The following TSPAN9 variants were observed in gnomAD, a reference collection of about 807,000 sequenced individuals.
TSPAN9 encodes the protein tetraspanin 9.
Under a neutral mutation model 31.0 loss-of-function variants are expected in TSPAN9, and 16 were observed. The observed-to-expected ratio is 0.52, with a 90% confidence interval of 0.35 to 0.78. The LOEUF (loss-of-function observed/expected upper bound fraction) is 0.78. TSPAN9 is among the 30% of genes least tolerant of loss of function. TSPAN9 has a pLI of 0.01. For missense variants in TSPAN9, 272 were observed against 312.5 expected (o/e 0.87, Z 0.98); for synonymous variants, 145 against 121.6 (o/e 1.19, Z -1.27).
chr12:3,247,423 T>A (rs1453321342), intron 3 of TSPAN9, among the ~76,000 whole-genome samples: 2 of 151,864 alleles, frequency 1.3e-5, no homozygotes, highest in Non-Finnish European at 2.9e-5. Flanking sequence ...TTTCTGCCTT[T>A]GACTCTAAGT....
chr12:3,123,266 G>A (rs774821243), intron 2 of TSPAN9, among the ~76,000 whole-genome samples: 1 of 152,184 alleles, frequency 6.6e-6, no homozygotes, highest in Non-Finnish European at 1.5e-5. Flanking sequence ...TCCTTGAACC[G>A]CTTCCCTGCT....
rs1445011651 is a variant in TSPAN9, at chr12:3,168,049, C to T, written c.-17-33128C>T. 6.6e-6 allele frequency among the ~76,000 whole-genome samples: 1 copy of T among 152,072 alleles called. No homozygotes were observed. The highest frequency in any genetic ancestry group is 1.9e-4 in the East Asian group (1 of 5,162). ...GTGGATAAAAGCATGTCCTGGGGTC[C>T]AGCGGACAAGCAGCAGCAGGAGATA... On this transcript the variant is annotated intron_variant, in intron 2 of 8. Coordinates refer to ENST00000011898, the MANE Select transcript of TSPAN9 (RefSeq NM_006675.5). The surrounding 1 kb of genome is among the most constrained non-coding windows in gnomAD (Gnocchi z 4.0).
intron 2 of TSPAN9, among the ~76,000 whole-genome samples, chr12:3,144,665 G>C (rs1012599400): frequency 6.6e-6 from 1 of 152,206 alleles, no homozygotes; most frequent in Non-Finnish European, 1.5e-5. Flanking sequence ...AGTGGCTCCG[G>C]GAATCACATG....
chr12:3,124,626 T>C (rs2098326521), intron 2 of TSPAN9, among the ~76,000 whole-genome samples: 1 of 152,024 alleles, frequency 6.6e-6, no homozygotes, highest in African/African-American at 2.4e-5. Context: ...ATCAGGCTTA[T>C]CTTGAACTCC....
chr12:3,150,002 A>G (rs562200277), intron 2 of TSPAN9: 1 of 152,418 alleles, frequency 6.6e-6, no homozygotes, highest in East Asian at 1.9e-4. Flanking sequence ...GTGAACGCCC[A>G]TGGCGTGCCA....
rs1862881190 is a variant in TSPAN9 at position 3,280,963 on chromosome 12, G to A, written c.433-235G>A. ...TGAGCCAAGGGGCCCAGCCCGAGGG[G>A]TGGGCTGCATTGCCCTCTCCCGCTC... On this transcript the variant is annotated intron_variant, in intron 6 of 8. Coordinates refer to ENST00000011898, the MANE Select transcript of TSPAN9 (RefSeq NM_006675.5). This position sits in a 1 kb window ranked among gnomAD's most constrained non-coding sequence, Gnocchi z 4.5. Among the ~76,000 whole-genome samples the A allele has an allele frequency of 1.3e-5, 2 of 152,188 alleles. No homozygotes were observed. Among genetic ancestry groups the A allele is most frequent in the Admixed American group, 6.5e-5 (1 of 15,282 alleles).
chr12:3,236,262 C>T (rs1162557668), intron 3 of TSPAN9, among the ~76,000 whole-genome samples: 4 of 152,236 alleles, frequency 2.6e-5, no homozygotes, highest in African/African-American at 9.6e-5. Flanking sequence ...ACAATAATCT[C>T]TACCTTGAGG....
At chr12:3,196,470 A>G (rs2098367138) in intron 2 of TSPAN9, among the ~76,000 whole-genome samples, 2 of 152,210 alleles carry the variant, frequency 1.3e-5, no homozygotes, top group Non-Finnish European at 2.9e-5. Context: ...AGTGTGGTGC[A>G]TGGGCTGTGA....
At chr12:3,186,265 CTG>C (rs1161649397) in intron 2 of TSPAN9, among the ~76,000 whole-genome samples, 1 of 152,192 alleles carries the variant, frequency 6.6e-6, no homozygotes, top group East Asian at 1.9e-4. Context: ...TTGTGTGAAA[CTG>C]TTCGTAGCTT....
chr12:3,145,149 C>T (rs2098336571), intron 2 of TSPAN9, among the ~76,000 whole-genome samples: 1 of 152,172 alleles, frequency 6.6e-6, no homozygotes, highest in Non-Finnish European at 1.5e-5. Context: ...CCTCGGCGTC[C>T]TCTGGTGGAT....
intron 2 of TSPAN9, among the ~76,000 whole-genome samples, chr12:3,092,739 G>A (rs763122593): frequency 1.1e-4 from 17 of 152,230 alleles, no homozygotes; most frequent in Admixed American, 5.9e-4. Context: ...CACATTGGAT[G>A]TCCCCGTAAG....
chr12:3,269,734 G>A (rs1862636066), intron 3 of TSPAN9, among the ~76,000 whole-genome samples: 3 of 152,250 alleles, frequency 2.0e-5, no homozygotes, highest in Admixed American at 6.5e-5. Context: ...GCACGGGCTG[G>A]TAGGAGCTTG....
intron 3 of TSPAN9, among the ~76,000 whole-genome samples, chr12:3,276,558 CCT>C (rs1862792777): frequency 1.3e-5 from 2 of 152,198 alleles, no homozygotes; most frequent in Admixed American, 1.3e-4. Flanking sequence ...GCTCCCTCCC[CCT>C]GTTTATTTGG....
intron 2 of TSPAN9, among the ~76,000 whole-genome samples, chr12:3,092,951 G>A (rs757592682): frequency 3.3e-5 from 5 of 152,236 alleles, no homozygotes; most frequent in Non-Finnish European, 5.9e-5. Flanking sequence ...GCTGGCGAGT[G>A]CTTCCAGCCT....
At position 3,180,695 on chromosome 12, in the gene TSPAN9, G is replaced by A. The variant is rs142827473; in HGVS notation, c.-17-20482G>A. 2.5e-3 allele frequency among the ~76,000 whole-genome samples: 379 copies of A among 152,078 alleles called. 2 individuals are homozygous for A. Among genetic ancestry groups the A allele is most frequent in the African/African-American group, 8.8e-3 (365 of 41,464 alleles). ...TTGGATTTTCACCTTCTTTATTTTC[G>A]TCCATGTTTCCAGAGTAAGTGCCTG... On this transcript the variant is annotated intron_variant, in intron 2 of 8. Coordinates refer to ENST00000011898, the MANE Select transcript of TSPAN9 (RefSeq NM_006675.5).
At chr12:3,211,253 T>C (rs1355406236) in intron 3 of TSPAN9, among the ~76,000 whole-genome samples, 3 of 152,224 alleles carry the variant, frequency 2.0e-5, no homozygotes, top group Non-Finnish European at 2.9e-5. Context: ...CTCCATTGAT[T>C]AACTAGTCCA....
chr12:3,161,813 ATCTGTCTGTCTG>A (rs57792108), intron 2 of TSPAN9, among the ~76,000 whole-genome samples: 3 of 128,262 alleles, frequency 2.3e-5, no homozygotes, highest in African/African-American at 8.0e-5. Flanking sequence ...CTATCTATCT[ATCTGTCTGTCTG>A]TTGTTTTAGA....
Position 3,124,608 on chromosome 12 carries a change from CTA to C in TSPAN9, c.-18+40891_-18+40892del, listed in dbSNP as rs541839468. ...GATTTTTAGTAGAGACAGGGTTTCTCTATGTTGATCAGGCTTATCTTGAACTC... is the reference window on the plus strand; with the variant it reads ...GATTTTTAGTAGAGACAGGGTTTCTCTGTTGATCAGGCTTATCTTGAACTC... On this transcript the variant is annotated intron_variant, in intron 2 of 8. Coordinates refer to ENST00000011898, the MANE Select transcript of TSPAN9 (RefSeq NM_006675.5). Among the ~76,000 whole-genome samples, 228 of 152,014 alleles carry C rather than the reference CTA, an allele frequency of 1.5e-3. 1 individual carries two copies. The highest frequency in any genetic ancestry group is 5.3e-3 in the African/African-American group (218 of 41,472).
At chr12:3,259,836 A>G (rs1862415527) in intron 3 of TSPAN9, among the ~76,000 whole-genome samples, 1 of 152,238 alleles carries the variant, frequency 6.6e-6, no homozygotes, top group African/African-American at 2.4e-5. Flanking sequence ...AGAAATTTGA[A>G]CAAGGACCAT....
Sources: allele counts gnomAD v4.1 joint callset (sites outside exome capture counted in the v4.1 genomes callset), GRCh38; gene constraint gnomAD v4.1.1; non-coding constraint Gnocchi (gnomAD v3.1); transcripts MANE v1.5; gene names NCBI Gene and HGNC (gene_info 2026-07-23, HGNC 2026-07-21).